POLG: variants seen among roughly 807,000 people sequenced by gnomAD.
POLG encodes DNA polymerase subunit gamma-1.
POLG carries 110 observed loss-of-function variants against 155.4 expected under a neutral mutation model. The observed-to-expected ratio is 0.71, with a 90% CI of 0.61 to 0.83. The LOEUF (loss-of-function observed/expected upper bound fraction) is 0.83, where lower values mean the gene tolerates loss of function less well. Ranked by LOEUF, POLG falls within the 40% of genes least tolerant of loss-of-function variation. The pLI, the probability that POLG is intolerant of heterozygous loss-of-function variation, is 0.00. For missense variants in POLG, 1,685 were observed against 1,627.5 expected (o/e 1.04, Z -0.61); for synonymous variants, 701 against 631.5 (o/e 1.11, Z -1.65).
chr15:89,323,278 C>T (rs1029057190), intron 13 of POLG, 126 bp downstream of exon 13: 26 of 713,460 alleles, frequency 3.6e-5, no homozygotes, highest in Non-Finnish European at 5.9e-5. Context: ...CCTGAAATCA[C>T]ACTCTGTCCC....
chr15:89,317,790 T>TA, intron 21 of POLG: 1 of 520,544 alleles, frequency 1.9e-6, no homozygotes, highest in Non-Finnish European at 3.5e-6. Flanking sequence ...TGGTACACTT[T>TA]ATTAATTAAT....
Position 89,320,098 on chromosome 15 carries a change from A to G in POLG, c.2981+668T>C, listed in dbSNP as rs3176220. Among the ~76,000 whole-genome samples, 463 of 152,332 alleles carry G rather than the reference A, an allele frequency of 3.0e-3. 1 individual carries two copies. The highest frequency in any genetic ancestry group is 0.011 in the African/African-American group (438 of 41,562). ...TACTCAGCTCCCCTTCCCTGCATTT[A>G]TAGTCATCAACCACTATATCATTTA... On this transcript the variant is annotated intron_variant, in intron 18 of 22. Coordinates refer to ENST00000268124, the MANE Select transcript of POLG (RefSeq NM_002693.3).
At position 89,324,138 on chromosome 15, in the gene POLG, AG is replaced by A. The variant is rs1567188632; in HGVS notation, c.2038del (p.Leu680CysfsTer12). 6.2e-6 allele frequency: 10 copies of A among 1,614,102 alleles called. No homozygotes were observed. Among genetic ancestry groups the A allele is most frequent in the Non-Finnish European group, 8.5e-6 (10 of 1,180,028 alleles). ...CCATATGGCACTATTGTCAGTGAGC[AG>A]GAACTCCTCCGCCAGGCCGGCCTCC... ...PQEAGLAEEF[L>X]LTDNSAIWQT... On this transcript the variant is annotated frameshift_variant, in exon 11 of 23. Transcript: ENST00000268124. LOFTEE classifies it high-confidence loss of function.
Position 89,325,598 on chromosome 15 carries a change from T to C in POLG, c.1801A>G (p.Lys601Glu). 1 of 1,613,816 alleles carries C rather than the reference T, an allele frequency of 6.2e-7. No homozygotes were observed. Residue 601 changes from lysine to glutamate, a missense_variant, in exon 10 of 23, where the codon AAA becomes GAA. Around this residue, in one of 3 missense-constraint regions of POLG, gnomAD observed 1,210 missense variants for 1,167.1 expected, o/e 1.04. Transcript: ENST00000268124. ...LLSLQMRVTP[K>E]LMALTWDGFP... ...CCATCCCAGGTAAGTGCCATGAGTTTAGGTGTGACCCGCATCTGCAGGCTG... is the reference window on the plus strand; with the variant it reads ...CCATCCCAGGTAAGTGCCATGAGTTCAGGTGTGACCCGCATCTGCAGGCTG...
Position 89,328,997 on chromosome 15 carries a change from C to T in POLG, c.969G>A (p.Gln323=), listed in dbSNP as rs767666123. ...IAAKQGKHKV[Q]PPTKQGQKSQ... The stretch of plus-strand genomic sequence containing the variant: ...ACTTCTGGCCTTGCTTTGTGGGGGG[C>T]TGGACCTTGTGTTTGCCCTGCTTGG... Residue 323 remains glutamine (Q), a synonymous_variant, in exon 4 of 23, where the codon CAG becomes CAA. Coordinates refer to ENST00000268124, the MANE Select transcript of POLG (RefSeq NM_002693.3). The T allele has an allele frequency of 6.2e-7, 1 of 1,613,670 alleles. No individual in the cohort carries two copies. Among genetic ancestry groups the T allele is most frequent in the South Asian group, 1.1e-5 (1 of 91,052 alleles).
chr15:89,325,299 G>GTGTGTGT lies in POLG; in HGVS notation c.1949+150_1949+151insACACACA, dbSNP rs2055498559. The GTGTGTGT allele has an allele frequency of 2.8e-4, 149 of 527,186 alleles. 3 individuals are homozygous for GTGTGTGT. Among genetic ancestry groups the GTGTGTGT allele is most frequent in the African/African-American group, 1.2e-3 (26 of 21,976 alleles). The allele number at this position is 527,186 out of a possible 1,614,324, so 32.7% of individuals were successfully genotyped here. A position where few individuals can be genotyped will look rare whatever the true frequency, so the allele number is the denominator to read the frequency against. On this transcript the variant is annotated intron_variant, in intron 10 of 22. Transcript: ENST00000268124. ...GAGAGAGAGAAAGAGAGAGAGAGAG[G>GTGTGTGT]GTGTGTGTGTGTGTGTTAATTTTTT...
chr15:89,333,875 T>G lies in POLG; in HGVS notation c.-121A>C. ...CGTCCTGTCTCTGCTCTCCTGTCAG[T>G]GAAATGGGTTTGACCATGCCTGCCT... On this transcript the variant is annotated 5_prime_UTR_variant, in exon 2 of 23. Transcript: ENST00000268124. The G allele has an allele frequency of 2.4e-6, 3 of 1,235,860 alleles. No homozygotes were observed. The highest frequency in any genetic ancestry group is 3.4e-6 in the Non-Finnish European group (3 of 879,554). 76.6% of individuals were successfully genotyped at this position (1,235,860 alleles called of 1,614,324 possible). A position where few individuals can be genotyped will look rare whatever the true frequency, so the allele number is the denominator to read the frequency against.
chr15:89,319,092 A>G lies in POLG; in HGVS notation c.3112T>C (p.Trp1038Arg). Residue 1038 changes from tryptophan (W) to arginine (R), a missense_variant, in exon 20 of 23, where the codon TGG becomes CGG. Trp to Arg is a moderately radical substitution (Grantham distance 101, BLOSUM62 -3). Around this residue, in one of 3 missense-constraint regions of POLG, gnomAD observed 470 missense variants for 439.9 expected, o/e 1.07. Coordinates refer to ENST00000268124, the MANE Select transcript of POLG (RefSeq NM_002693.3). Reference protein sequence around the residue: ...VQRETARKSQWKKWEVVAERA... With the variant: ...VQRETARKSQRKKWEVVAERA... Reference sequence around the variant, plus strand: ...TCAGCAACCACCTCCCACTTCTTCCACTGTGACCTAAGGGACCAGAAACAG... The same window carrying G: ...TCAGCAACCACCTCCCACTTCTTCCGCTGTGACCTAAGGGACCAGAAACAG... 1 of 1,613,912 alleles carries G rather than the reference A, an allele frequency of 6.2e-7. No homozygotes were observed. Among genetic ancestry groups the G allele is most frequent in the Non-Finnish European group, 8.5e-7 (1 of 1,179,946 alleles).
At position 89,325,569 on chromosome 15, in the gene POLG, G is replaced by C; in HGVS notation, c.1830C>G (p.Phe610Leu). The C allele has an allele frequency of 6.2e-7, 1 of 1,613,728 alleles. No individual in the cohort carries two copies. Among genetic ancestry groups the C allele is most frequent in the South Asian group, 1.1e-5 (1 of 91,084 alleles). Residue 610 changes from phenylalanine to leucine, a missense_variant, in exon 10 of 23, where the codon TTC (phenylalanine) becomes TTG (leucine). Phe to Leu is a conservative substitution (Grantham distance 22, BLOSUM62 0). This residue lies in a region of POLG where 1,210 missense variants were observed against 1,167.1 expected (regional missense o/e 1.04). Coordinates refer to ENST00000268124, the MANE Select transcript of POLG (RefSeq NM_002693.3). ...PKLMALTWDGFPLHYSERHGW... is the reference protein window; with the variant it reads ...PKLMALTWDGLPLHYSERHGW... Reference sequence around the variant, plus strand: ...CATGACGCTCTGAGTAGTGCAGAGGGAAGCCATCCCAGGTAAGTGCCATGA... The same window carrying C: ...CATGACGCTCTGAGTAGTGCAGAGGCAAGCCATCCCAGGTAAGTGCCATGA...
chr15:89,316,704 A>C lies in POLG; in HGVS notation c.*47T>G. 2.1e-6 allele frequency: 3 copies of C among 1,396,680 alleles called. No homozygotes were observed. Among genetic ancestry groups the C allele is most frequent in the Non-Finnish European group, 3.1e-6 (3 of 982,768 alleles). 86.5% of individuals were successfully genotyped at this position (1,396,680 alleles called of 1,614,324 possible). On this transcript the variant is annotated 3_prime_UTR_variant, in exon 23 of 23. Coordinates refer to ENST00000268124, the MANE Select transcript of POLG (RefSeq NM_002693.3). ...AAGCCTGAGTTTGGGAGCCTGCACC[A>C]CCCCGATGAAGCTCCACGGGAGCAA...
intron 21 of POLG, 144 bp from the exon 22 acceptor site, chr15:89,317,680 G>T (rs1207764824): frequency 6.2e-6 from 5 of 801,272 alleles, no homozygotes; most frequent in Non-Finnish European, 1.1e-5. Context: ...GTCAAGAAAG[G>T]TGAAGGTCCA....
Position 89,327,231 on chromosome 15 carries a change from G to C in POLG, c.1369C>G (p.Arg457Gly), listed in dbSNP as rs766242100. 6.2e-7 allele frequency: 1 copy of C among 1,614,192 alleles called. No individual in the cohort carries two copies. Among genetic ancestry groups the C allele is most frequent in the Admixed American group, 1.7e-5 (1 of 60,030 alleles). Residue 457 changes from arginine to glycine, a missense_variant, in exon 7 of 23, where the codon CGG (arginine) becomes GGG (glycine). This residue lies in a region of POLG where 1,210 missense variants were observed against 1,167.1 expected (regional missense o/e 1.04). Transcript: ENST00000268124. ...TCCATCAACGACTTCTTCATCTCCC[G>C]CTGGAGCTCCTCATAAGTGCCCTGT... ...EAQGTYEELQ[R>G]EMKKSLMDLA...
rs532341409 is a variant in POLG at position 89,331,553 on chromosome 15, A to C, written c.660-1277T>G. ...ATACTAGTTTTACTGTGAATCTTAG[A>C]AAAATGCTGATGGCCAGAGAGACGT... is the stretch of plus-strand genomic sequence containing the variant. On this transcript the variant is annotated intron_variant, in intron 2 of 22. Coordinates refer to ENST00000268124, the MANE Select transcript of POLG (RefSeq NM_002693.3). Among the ~76,000 whole-genome samples the C allele has an allele frequency of 7.9e-5, 12 of 152,368 alleles. No homozygotes were observed. In the South Asian group the frequency reaches 2.3e-3, roughly 29 times the overall value.
In POLG at chr15:89,325,258, GTGA is replaced by G. The variant is rs2055494335; in HGVS notation, c.1949+189_1949+191del. Among the ~76,000 whole-genome samples, 3 of 92,002 alleles carry G rather than the reference GTGA, an allele frequency of 3.3e-5. 1 individual carries two copies. Among genetic ancestry groups the G allele is most frequent in the African/African-American group, 1.2e-4 (2 of 16,326 alleles). The allele number at this position is 92,002 out of a possible 152,430, so 60.4% of individuals were successfully genotyped here. A position where few individuals can be genotyped will look rare whatever the true frequency, so the allele number is the denominator to read the frequency against. The stretch of plus-strand genomic sequence containing the variant: ...AGAGAGTGAGTGAGTGAGAGAGAGA[GTGA>G]GTGAGTGAGTGAGAGAGAGAGAAAG... On this transcript the variant is annotated intron_variant, in intron 10 of 22. Transcript: ENST00000268124.
chr15:89,319,677 T>C (rs1305229625), intron 18 of POLG, among the ~76,000 whole-genome samples: 1 of 152,168 alleles, frequency 6.6e-6, no homozygotes, highest in East Asian at 1.9e-4. Context: ...AATTGCCCAA[T>C]GACCAACACG....
chr15:89,317,304 T>A, intron 22 of POLG, 72 bp downstream of exon 22: 1 of 1,513,332 alleles, frequency 6.6e-7, no homozygotes, highest in Middle Eastern at 1.9e-4. Flanking sequence ...CCAAGTTTCC[T>A]GTTCTCCAAG....
At chr15:89,328,411 G>A in intron 6 of POLG, 45 bp downstream of exon 6, 1 of 1,493,762 alleles carries the variant, frequency 6.7e-7, no homozygotes, top group Non-Finnish European at 9.3e-7. Context: ...CCGGGTACCA[G>A]GAACACACTG....
In POLG at chr15:89,325,248, G is replaced by GAGAGAA. The variant is rs1555453380; in HGVS notation, c.1949+201_1949+202insTTCTCT. Among the ~76,000 whole-genome samples, 5 of 88,852 alleles carry GAGAGAA rather than the reference G, an allele frequency of 5.6e-5. 2 individuals carry two copies. Among genetic ancestry groups the GAGAGAA allele is most frequent in the African/African-American group, 3.6e-4 (5 of 14,016 alleles). 58.3% of individuals were successfully genotyped at this position (88,852 alleles called of 152,430 possible). A position where few individuals can be genotyped will look rare whatever the true frequency, so the allele number is the denominator to read the frequency against. On this transcript the variant is annotated intron_variant, in intron 10 of 22. Transcript: ENST00000268124. ...AGAGTGAGTGAGAGAGTGAGTGAGT[G>GAGAGAA]AGAGAGAGAGTGAGTGAGTGAGTGA...
chr15:89,318,957 G>C lies in POLG; in HGVS notation c.3247C>G (p.Leu1083Val), dbSNP rs1349518194. ...TCTTCCTGGACAGCCGAGGGCTCCAGGGCTCGGCTGATGCAGCAGCCCAGC... is the reference window on the plus strand; with the variant it reads ...TCTTCCTGGACAGCCGAGGGCTCCACGGCTCGGCTGATGCAGCAGCCCAGC... ...PVLGCCISRA[L>V]EPSAVQEEFM... The change falls in exon 20 of 23, where the codon CTG (leucine) becomes GTG (valine). Residue 1083 changes from leucine (L) to valine (V), a missense_variant. Coordinates refer to ENST00000268124, the MANE Select transcript of POLG (RefSeq NM_002693.3). 6.2e-7 allele frequency: 1 copy of C among 1,614,166 alleles called. No homozygotes were observed. The highest frequency in any genetic ancestry group is 1.3e-5 in the African/African-American group (1 of 75,026).
Sources: allele counts gnomAD v4.1 joint callset (sites outside exome capture counted in the v4.1 genomes callset), GRCh38; gene constraint gnomAD v4.1.1; regional missense constraint gnomAD v4.1.1; transcripts MANE v1.5; gene names NCBI Gene and HGNC (gene_info 2026-07-23, HGNC 2026-07-21).